CCDC73: variants seen among roughly 807,000 people sequenced by gnomAD.
The protein encoded by CCDC73 is coiled-coil domain containing 73, also known as coiled-coil domain-containing protein 73.
A neutral mutation model predicts 116.5 loss-of-function variants in CCDC73; 95 were observed. That is an observed-to-expected ratio of 0.82 (90% CI 0.69 to 0.97). The LOEUF (loss-of-function observed/expected upper bound fraction) is 0.97. Among genes scored for constraint, CCDC73 ranks in the 50% least tolerant of loss-of-function variants. The pLI is 0.00. For synonymous variants in CCDC73, 398 were observed against 401.3 expected (o/e 0.99, Z 0.10); for missense variants, 1,066 against 1,206.8 (o/e 0.88, Z 1.73).
chr11:32,750,160 G>A (rs1052959979), intron 2 of CCDC73, among the ~76,000 whole-genome samples: 6 of 152,256 alleles, frequency 3.9e-5, no homozygotes, highest in Middle Eastern at 3.4e-3. Context: ...GTGAGCCAAC[G>A]CTCCTGGCCT....
At chr11:32,750,328 G>A (rs1425428955) in intron 2 of CCDC73, among the ~76,000 whole-genome samples, 2 of 152,138 alleles carry the variant, frequency 1.3e-5, no homozygotes, top group East Asian at 3.9e-4. Context: ...CCCAAGGCCT[G>A]CTATAGCCAC....
At position 32,683,177 on chromosome 11, in the gene CCDC73, C is replaced by T. The variant is rs552687955; in HGVS notation, c.429+359G>A. ...TTTTGGAATATTTGCATTATACCTA[C>T]GGGTTAAGCATCTCAAATGCAAAAA... is the stretch of plus-strand genomic sequence containing the variant. On this transcript the variant is annotated intron_variant, in intron 7 of 17. Transcript: ENST00000335185. 18 of 276,254 alleles carry T rather than the reference C, an allele frequency of 6.5e-5. 1 individual carries two copies. The highest frequency in any genetic ancestry group is 4.1e-4 in the South Asian group (12 of 29,302). The allele number at this position is 276,254 out of a possible 1,614,324, so 17.1% of individuals were successfully genotyped here.
upstream of CCDC73, among the ~76,000 whole-genome samples, chr11:32,797,030 A>AG (rs1349519013): frequency 1.5e-4 from 23 of 149,972 alleles, no homozygotes; most frequent in African/African-American, 5.2e-4. Context: ...AAAAAAAAAA[A>AG]AAAAGTAACA....
At chr11:32,694,599 A>T (rs1201530927) in intron 6 of CCDC73, among the ~76,000 whole-genome samples, 1 of 152,222 alleles carries the variant, frequency 6.6e-6, no homozygotes, top group Non-Finnish European at 1.5e-5. Flanking sequence ...TATAATTAAA[A>T]AAACAATTAA....
chr11:32,640,602 T>C (rs1299027028), intron 13 of CCDC73, among the ~76,000 whole-genome samples: 1 of 152,186 alleles, frequency 6.6e-6, no homozygotes, highest in African/African-American at 2.4e-5. Context: ...TGTACTAGTA[T>C]ACCATTTAAC....
upstream of CCDC73, among the ~76,000 whole-genome samples, chr11:32,795,274 G>C (rs1310746331): frequency 6.6e-6 from 1 of 152,006 alleles, no homozygotes; most frequent in Non-Finnish European, 1.5e-5. Context: ...TTCGATACCA[G>C]CCTAGGCAAC....
At chr11:32,670,380 G>A (rs185897602) in intron 9 of CCDC73, among the ~76,000 whole-genome samples, 124 of 152,180 alleles carry the variant, frequency 8.1e-4, no homozygotes, top group African/African-American at 2.7e-3. Context: ...AAATTAGCCC[G>A]GCGTGGTGGC....
At chr11:32,628,884 C>T (rs1487157199) in intron 14 of CCDC73, among the ~76,000 whole-genome samples, 2 of 151,824 alleles carry the variant, frequency 1.3e-5, no homozygotes, top group Non-Finnish European at 2.9e-5. Flanking sequence ...AGCAAAGGAA[C>T]TTTAAAACAG....
At chr11:32,726,626 G>A (rs1213022369) in intron 2 of CCDC73, among the ~76,000 whole-genome samples, 1 of 152,018 alleles carries the variant, frequency 6.6e-6, no homozygotes, top group East Asian at 1.9e-4. Context: ...CCTAAGAAAT[G>A]CAGAAAACAC....
At chr11:32,735,858 C>A (rs539152166) in intron 2 of CCDC73, among the ~76,000 whole-genome samples, 2 of 152,238 alleles carry the variant, frequency 1.3e-5, no homozygotes, top group East Asian at 3.9e-4. Flanking sequence ...TAATACCACA[C>A]ATCTACAACC....
At chr11:32,608,529 T>G (rs1254917636) in intron 17 of CCDC73, among the ~76,000 whole-genome samples, 1 of 152,156 alleles carries the variant, frequency 6.6e-6, no homozygotes, top group Non-Finnish European at 1.5e-5. Flanking sequence ...CCTGGCCACT[T>G]TCACGGGCTG....
chr11:32,773,483 T>C (rs996082311), intron 1 of CCDC73, among the ~76,000 whole-genome samples: 7 of 152,004 alleles, frequency 4.6e-5, no homozygotes, highest in African/African-American at 1.2e-4. Flanking sequence ...GAATGATACA[T>C]TAAAAATTGA....
At chr11:32,713,195 G>A (rs1185133736) in intron 3 of CCDC73, among the ~76,000 whole-genome samples, 1 of 152,050 alleles carries the variant, frequency 6.6e-6, no homozygotes, top group Non-Finnish European at 1.5e-5. Flanking sequence ...ATATCAGGCA[G>A]GATATATTGC....
chr11:32,692,173 T>C (rs1022857126), intron 6 of CCDC73, among the ~76,000 whole-genome samples: 3 of 152,150 alleles, frequency 2.0e-5, no homozygotes, highest in Non-Finnish European at 2.9e-5. Context: ...CATTTTGAGT[T>C]AAATTTTGTG....
At chr11:32,797,541 G>A (rs1392657105), upstream of CCDC73, among the ~76,000 whole-genome samples, 2 of 152,034 alleles carry the variant, frequency 1.3e-5, no homozygotes, top group African/African-American at 2.4e-5. Context: ...TCCCATCTAA[G>A]TAGAACTAAT....
In CCDC73 at chr11:32,755,673, A is replaced by G. The variant is rs185371667; in HGVS notation, c.135+4436T>C. On this transcript the variant is annotated intron_variant, in intron 2 of 17. Transcript: ENST00000335185. ...TATATATCTCCATATATATGTGTAT[A>G]TATATATCTCCATATATATGTGTAT... 1.2e-3 allele frequency among the ~76,000 whole-genome samples: 80 copies of G among 65,750 alleles called. 1 individual carries two copies. Among genetic ancestry groups the G allele is most frequent in the African/African-American group, 4.5e-3 (74 of 16,526 alleles). 43.1% of individuals were successfully genotyped at this position (65,750 alleles called of 152,430 possible).
chr11:32,636,764 A>G (rs926248640), intron 13 of CCDC73, among the ~76,000 whole-genome samples: 8 of 151,784 alleles, frequency 5.3e-5, no homozygotes, highest in African/African-American at 1.9e-4. Flanking sequence ...CATTTCATCT[A>G]TTTTTAATCA....
chr11:32,663,545 G>T (rs1030921938), intron 9 of CCDC73, among the ~76,000 whole-genome samples: 3 of 152,206 alleles, frequency 2.0e-5, no homozygotes, highest in African/African-American at 7.2e-5. Context: ...CTGAGACTTT[G>T]CTGAAGTTGC....
intron 14 of CCDC73, among the ~76,000 whole-genome samples, chr11:32,635,031 G>A (rs1390427117): frequency 6.6e-6 from 1 of 151,992 alleles, no homozygotes. Context: ...AGGATCCCAA[G>A]ACATAAAATA....
Sources: allele counts gnomAD v4.1 joint callset (sites outside exome capture counted in the v4.1 genomes callset), GRCh38; gene constraint gnomAD v4.1.1; transcripts MANE v1.5; gene names NCBI Gene and HGNC (gene_info 2026-07-23, HGNC 2026-07-21).